Variants in EXOC4 observed in about 807,000 individuals in gnomAD.
EXOC4 encodes SEC8-like 1.
In EXOC4, 71 loss-of-function variants were observed where a neutral mutation model predicts 107.2. That is an observed-to-expected ratio of 0.66 (90% CI 0.55 to 0.81). The LOEUF (loss-of-function observed/expected upper bound fraction) is 0.81. EXOC4 is among the 30% of genes least tolerant of loss of function. The pLI is 0.00. For synonymous variants in EXOC4, 456 were observed against 441.2 expected (o/e 1.03, Z -0.42); for missense variants, 1,108 against 1,189.6 (o/e 0.93, Z 1.01).
intron 7 of EXOC4, among the ~76,000 whole-genome samples, chr7:133,445,226 T>C (rs997613259): frequency 6.6e-6 from 1 of 152,220 alleles, no homozygotes; most frequent in Admixed American, 6.5e-5. Context: ...CATAGGTTTC[T>C]GATCTTCAGA....
rs755063719 is a variant in EXOC4, at chr7:133,895,618, A to G, written c.1754A>G (p.Lys585Arg). The G allele has an allele frequency of 6.2e-7, 1 of 1,614,130 alleles. No homozygotes were observed. The highest frequency in any genetic ancestry group is 8.5e-7 in the Non-Finnish European group (1 of 1,179,986). Residue 585 changes from lysine (K) to arginine (R), a missense_variant, in exon 12 of 18, where the codon AAG (lysine) becomes AGG (arginine). By Grantham distance (26) the Lys-to-Arg change is conservative. Transcript: ENST00000253861. Reference protein sequence around the residue: ...PLLQSTIIVEKTVQDLLNLMH... With the variant: ...PLLQSTIIVERTVQDLLNLMH... Reference sequence around the variant, plus strand: ...TTCCAGAGCACAATCATTGTGGAGAAGACAGTTCAAGACCTCCTGAACCTG... The same window carrying G: ...TTCCAGAGCACAATCATTGTGGAGAGGACAGTTCAAGACCTCCTGAACCTG...
At chr7:133,564,524 C>T (rs1184403768) in intron 9 of EXOC4, among the ~76,000 whole-genome samples, 2 of 152,124 alleles carry the variant, frequency 1.3e-5, no homozygotes, top group Non-Finnish European at 2.9e-5. Context: ...TGTTCTCCTT[C>T]TCCACTTATT....
In EXOC4 at chr7:133,752,015, T is replaced by TAAATAAATAAATA. The variant is rs1446670388; in HGVS notation, c.1515-65309_1515-65308insAATAAATAAATAA. On this transcript the variant is annotated intron_variant, in intron 10 of 17. Coordinates refer to ENST00000253861, the MANE Select transcript of EXOC4 (RefSeq NM_021807.4). ...TAAATAAATAAATAAATAAATAAAT[T>TAAATAAATAAATA]ATCTGGGCACTGTGGTATGCCTATA... Among the ~76,000 whole-genome samples the TAAATAAATAAATA allele has an allele frequency of 6.2e-4, 66 of 105,618 alleles. No homozygotes were observed. The South Asian group carries it at 6.3e-3, about 10-fold the overall frequency. 69.3% of individuals were successfully genotyped at this position (105,618 alleles called of 152,430 possible). A position where few individuals can be genotyped will look rare whatever the true frequency, so the allele number is the denominator to read the frequency against.
At chr7:133,582,793 A>G (rs574302380) in intron 9 of EXOC4, among the ~76,000 whole-genome samples, 11 of 152,240 alleles carry the variant, frequency 7.2e-5, no homozygotes, top group Admixed American at 2.0e-4. Flanking sequence ...CTGTTTCTCA[A>G]GCAATCAGAA....
chr7:133,779,695 A>AC (rs539195747), intron 10 of EXOC4, among the ~76,000 whole-genome samples: 4,313 of 152,264 alleles, frequency 0.028, 99 homozygotes, highest in Non-Finnish European at 0.043. Flanking sequence ...GTGCTCTGTA[A>AC]AAACGCACCA....
chr7:133,907,520 T>C (rs1799593673), intron 12 of EXOC4, among the ~76,000 whole-genome samples: 1 of 152,136 alleles, frequency 6.6e-6, no homozygotes, highest in African/African-American at 2.4e-5. Flanking sequence ...AAAGTGATTG[T>C]CATGTGTTAC....
intron 10 of EXOC4, among the ~76,000 whole-genome samples, chr7:133,776,506 T>C (rs10262452): frequency 0.86 from 131,273 of 152,172 alleles, 56,783 homozygotes; most frequent in East Asian, 0.99. Context: ...TAATTTACCT[T>C]CTTGTGAATG....
chr7:133,483,908 C>A, intron 9 of EXOC4: 1 of 886,112 alleles, frequency 1.1e-6, no homozygotes, highest in South Asian at 1.4e-5. Context: ...CCTGAAAAGG[C>A]ATAATTGAAT....
intron 17 of EXOC4, among the ~76,000 whole-genome samples, chr7:134,019,179 C>T (rs1427521209): frequency 6.6e-6 from 1 of 152,196 alleles, no homozygotes. Flanking sequence ...ATCTGCCTGC[C>T]TCAGCCTCCC....
At chr7:134,093,927 TAA>T in the EXOC4 span, among the ~76,000 whole-genome samples, 4 of 152,200 alleles carry the variant, frequency 2.6e-5, no homozygotes, top group African/African-American at 9.6e-5. Flanking sequence ...AAAGCAGTGT[TAA>T]GAGGAAAGTT....
intron 10 of EXOC4, among the ~76,000 whole-genome samples, chr7:133,740,355 A>T (rs889085322): frequency 6.6e-6 from 1 of 152,200 alleles, no homozygotes; most frequent in African/African-American, 2.4e-5. Context: ...CATGAATGTT[A>T]GCATGTACAT....
At chr7:133,794,462 A>G (rs142081878) in intron 10 of EXOC4, among the ~76,000 whole-genome samples, 15 of 152,248 alleles carry the variant, frequency 9.9e-5, no homozygotes, top group African/African-American at 2.9e-4. Context: ...TTATTCTTCT[A>G]TTTGGAGTTC....
chr7:133,892,806 T>G (rs1306969202), intron 11 of EXOC4, among the ~76,000 whole-genome samples: 2 of 145,578 alleles, frequency 1.4e-5, no homozygotes, highest in Non-Finnish European at 3.0e-5. Flanking sequence ...TGTTATAATT[T>G]GTGTTCTTTT....
chr7:133,676,902 A>G (rs1234438559), intron 10 of EXOC4, among the ~76,000 whole-genome samples: 1 of 148,978 alleles, frequency 6.7e-6, no homozygotes, highest in Non-Finnish European at 1.5e-5. Flanking sequence ...CAAAAAATAA[A>G]TTATTGGGGG....
intron 7 of EXOC4, among the ~76,000 whole-genome samples, chr7:133,414,027 A>G (rs1797419352): frequency 6.6e-6 from 1 of 152,200 alleles, no homozygotes; most frequent in South Asian, 2.1e-4. Context: ...AGACATTAAA[A>G]CAAAACAAAA....
chr7:133,793,715 C>A (rs529117841), intron 10 of EXOC4, among the ~76,000 whole-genome samples: 334 of 152,126 alleles, frequency 2.2e-3, no homozygotes, highest in Non-Finnish European at 2.2e-3. Flanking sequence ...TGTGGTGGCA[C>A]ACGCCTGTAA....
Position 133,844,029 on chromosome 7 carries a change from G to A in EXOC4, c.1734+26485G>A, listed in dbSNP as rs576954312. 7.9e-5 allele frequency among the ~76,000 whole-genome samples: 12 copies of A among 152,278 alleles called. No homozygotes were observed. In the South Asian group the frequency reaches 2.5e-3, roughly 32 times the overall value. ...GGATAAAGCCTGCTTGATCATGGTG[G>A]AGTAGCTTTTTGATGTGCTGCTGGA... On this transcript the variant is annotated intron_variant, in intron 11 of 17. Coordinates refer to ENST00000253861, the MANE Select transcript of EXOC4 (RefSeq NM_021807.4).
At chr7:133,368,055 G>A (rs921711029) in intron 6 of EXOC4, among the ~76,000 whole-genome samples, 1 of 152,162 alleles carries the variant, frequency 6.6e-6, no homozygotes, top group Admixed American at 6.5e-5. Context: ...TCATGAACTC[G>A]TTTGCCCTCA....
At chr7:134,073,117 A>G in the EXOC4 span, among the ~76,000 whole-genome samples, 1 of 144,282 alleles carries the variant, frequency 6.9e-6, no homozygotes, top group Non-Finnish European at 1.5e-5. Context: ...GAGACAGGAG[A>G]ATCGCTTGAA....
Sources: allele counts gnomAD v4.1 joint callset (sites outside exome capture counted in the v4.1 genomes callset), GRCh38; gene constraint gnomAD v4.1.1; transcripts MANE v1.5; gene names NCBI Gene and HGNC (gene_info 2026-07-23, HGNC 2026-07-21).